Variants in PTPRD observed in about 807,000 individuals in gnomAD.
The protein encoded by PTPRD is receptor-type tyrosine-protein phosphatase delta.
PTPRD carries 34 observed loss-of-function variants against 214.5 expected under a neutral mutation model. That is an observed-to-expected ratio of 0.16 (90% confidence interval 0.12 to 0.21). The LOEUF (loss-of-function observed/expected upper bound fraction) is 0.21, where lower values mean the gene tolerates loss of function less well. PTPRD is among the 10% of genes least tolerant of loss of function. The pLI is 1.00. For synonymous variants in PTPRD, 1,128 were observed against 845.7 expected, an observed-to-expected ratio of 1.33 and a Z score of -5.79; for missense variants, 2,545 against 2,398.7, an observed-to-expected ratio of 1.06 and a Z score of -1.27.
At chr9:9,515,090 G>A (rs983273086) in intron 8 of PTPRD, among the ~76,000 whole-genome samples, 13 of 151,968 alleles carry the variant, frequency 8.6e-5, no homozygotes, top group African/African-American at 2.9e-4. Context: ...AATCATTCAG[G>A]GAGCTAAAAT....
At chr9:9,522,603 A>G (rs1047331595) in intron 8 of PTPRD, among the ~76,000 whole-genome samples, 17 of 152,300 alleles carry the variant, frequency 1.1e-4, no homozygotes, top group Non-Finnish European at 2.1e-4. Context: ...GAGAAACAAG[A>G]AAGAAAAAAG....
intron 5 of PTPRD, among the ~76,000 whole-genome samples, chr9:9,929,815 G>A (rs999851508): frequency 6.9e-5 from 10 of 144,360 alleles, no homozygotes; most frequent in Non-Finnish European, 9.1e-5. Context: ...GATGAATGTG[G>A]TCTACTTGTA....
At chr9:10,353,509 A>G (rs551080062) in intron 2 of PTPRD, among the ~76,000 whole-genome samples, 1 of 151,844 alleles carries the variant, frequency 6.6e-6, no homozygotes, top group African/African-American at 2.4e-5. Context: ...ATTTCTTACC[A>G]CTCCTGCCAA....
intron 8 of PTPRD, among the ~76,000 whole-genome samples, chr9:9,426,916 C>A (rs1341054659): frequency 6.6e-6 from 1 of 152,116 alleles, no homozygotes; most frequent in Non-Finnish European, 1.5e-5. Context: ...ACGTCACCAT[C>A]ATCAAAGACC....
At chr9:9,225,904 G>C (rs1193189816) in intron 9 of PTPRD, among the ~76,000 whole-genome samples, 1 of 151,922 alleles carries the variant, frequency 6.6e-6, no homozygotes, top group Non-Finnish European at 1.5e-5. Context: ...ATGTTAAAGA[G>C]TATGAATACC....
intron 5 of PTPRD, among the ~76,000 whole-genome samples, chr9:9,891,611 C>G (rs957025592): frequency 1.3e-5 from 2 of 152,024 alleles, no homozygotes; most frequent in African/African-American, 4.8e-5. Flanking sequence ...TCCACTTCAT[C>G]AATTAGAGTT....
chr9:10,068,569 T>G (rs1348330691), intron 3 of PTPRD, among the ~76,000 whole-genome samples: 6 of 151,896 alleles, frequency 4.0e-5, no homozygotes, highest in Non-Finnish European at 8.8e-5. Context: ...TATACAATAG[T>G]GGGGACTGTG....
intron 11 of PTPRD, chr9:8,857,578 T>A (rs2097951910): frequency 6.6e-6 from 1 of 152,544 alleles, no homozygotes; most frequent in Non-Finnish European, 1.5e-5. Context: ...GCAGGGCGAT[T>A]CCGGAGCAGC....
intron 14 of PTPRD, among the ~76,000 whole-genome samples, chr9:8,612,702 T>A (rs1595255294): frequency 6.6e-6 from 1 of 152,172 alleles, no homozygotes; most frequent in African/African-American, 2.4e-5. Context: ...TTCACTGAGG[T>A]GAGAAGAGGA....
intron 9 of PTPRD, among the ~76,000 whole-genome samples, chr9:9,269,016 A>G (rs1278805211): frequency 3.3e-5 from 5 of 151,100 alleles, no homozygotes; most frequent in Admixed American, 2.6e-4. Context: ...AACTGGAAAC[A>G]CATCAAGCTG....
chr9:10,177,032 T>C (rs1158464837), intron 3 of PTPRD, among the ~76,000 whole-genome samples: 2 of 151,944 alleles, frequency 1.3e-5, no homozygotes, highest in Non-Finnish European at 2.9e-5. Flanking sequence ...ACAACCAGCA[T>C]GCTAGGTACA....
At chr9:10,087,577 CTA>C (rs1478000783) in intron 3 of PTPRD, among the ~76,000 whole-genome samples, 3 of 151,592 alleles carry the variant, frequency 2.0e-5, no homozygotes, top group African/African-American at 7.3e-5. Context: ...CACTAAGAGA[CTA>C]ATATTATAAT....
At chr9:10,138,525 CA>C (rs1360886040) in intron 3 of PTPRD, among the ~76,000 whole-genome samples, 3 of 151,908 alleles carry the variant, frequency 2.0e-5, no homozygotes, top group Admixed American at 6.6e-5. Context: ...TGAAACCATT[CA>C]AAAAAATCAA....
intron 2 of PTPRD, among the ~76,000 whole-genome samples, chr9:10,393,164 T>C (rs562698317): frequency 6.6e-6 from 1 of 152,020 alleles, no homozygotes; most frequent in South Asian, 2.1e-4. Flanking sequence ...AAATATCCAT[T>C]ATAAAATATT....
At chr9:9,084,860 T>C (rs1356224771) in intron 10 of PTPRD, among the ~76,000 whole-genome samples, 1 of 152,136 alleles carries the variant, frequency 6.6e-6, no homozygotes, top group African/African-American at 2.4e-5. Flanking sequence ...AATATCAACA[T>C]TTTATTTTCT....
At chr9:8,324,253 C>G (rs1208246304) in intron 44 of PTPRD, among the ~76,000 whole-genome samples, 1 of 152,044 alleles carries the variant, frequency 6.6e-6, no homozygotes, top group Non-Finnish European at 1.5e-5. Context: ...CTCCCCCAGG[C>G]CCCCACCCCC....
chr9:9,383,191 C>T (rs1402139849), intron 9 of PTPRD, among the ~76,000 whole-genome samples: 1 of 151,984 alleles, frequency 6.6e-6, no homozygotes, highest in African/African-American at 2.4e-5. Flanking sequence ...ATATAACTTT[C>T]ATATCATTTC....
chr9:9,562,129 T>A (rs141529117), intron 8 of PTPRD, among the ~76,000 whole-genome samples: 72 of 152,254 alleles, frequency 4.7e-4, no homozygotes, highest in East Asian at 1.2e-3. Flanking sequence ...TTCCTCACAC[T>A]CATATTCTTT....
chr9:9,462,215 C>T (rs967443725), intron 8 of PTPRD, among the ~76,000 whole-genome samples: 4 of 152,026 alleles, frequency 2.6e-5, no homozygotes, highest in African/African-American at 9.7e-5. Flanking sequence ...TATAATTCTA[C>T]CTTCAGCCAC....
Sources: allele counts gnomAD v4.1 joint callset (sites outside exome capture counted in the v4.1 genomes callset), GRCh38; gene constraint gnomAD v4.1.1; transcripts MANE v1.5; gene names NCBI Gene and HGNC (gene_info 2026-07-23, HGNC 2026-07-21).